The following RBPJ variants were observed in gnomAD, a reference collection of about 807,000 sequenced individuals.
RBPJ encodes recombination signal binding protein for immunoglobulin kappa J region.
In RBPJ, 9 loss-of-function variants were observed where a neutral mutation model predicts 67.8. The ratio of observed to expected loss-of-function variants is 0.13; its 90% CI spans 0.08 to 0.23. The LOEUF (loss-of-function observed/expected upper bound fraction) is 0.23. RBPJ is among the 10% of genes least tolerant of loss of function. The pLI, the probability that RBPJ is intolerant of heterozygous loss-of-function variation, is 1.00. For synonymous variants in RBPJ, 198 were observed against 203.3 expected (o/e 0.97, Z 0.22); for missense variants, 305 against 595.6 (o/e 0.51, Z 5.08).
intron 1 of RBPJ, among the ~76,000 whole-genome samples, chr4:26,274,979 G>GA (rs2109268605): frequency 6.6e-6 from 1 of 152,088 alleles, no homozygotes; most frequent in East Asian, 1.9e-4. Context: ...GAAAGGAAAG[G>GA]AAAAAAGTTT....
chr4:26,401,334 G>C lies in RBPJ; in HGVS notation c.60-4841G>C, dbSNP rs1181516674. 2.6e-5 allele frequency among the ~76,000 whole-genome samples: 4 copies of C among 152,182 alleles called. No individual in the cohort carries two copies. In the South Asian group the frequency reaches 6.2e-4, roughly 24 times the overall value. The stretch of plus-strand genomic sequence containing the variant: ...GTATGATTTTGTCCTCACAAGCTAG[G>C]CTACGCAGATTTGAATCCTCACTCT... On this transcript the variant is annotated intron_variant, in intron 2 of 10. Transcript: ENST00000355476.
At chr4:26,272,830 A>G (rs903013250) in intron 1 of RBPJ, 1 of 387,660 alleles carries the variant, frequency 2.6e-6, no homozygotes, top group Non-Finnish European at 5.1e-6. Context: ...TAATGTACTC[A>G]TTGTTTAAAA....
At chr4:26,160,079 C>T (rs181364583), upstream of RBPJ, among the ~76,000 whole-genome samples, 8 of 152,196 alleles carry the variant, frequency 5.3e-5, no homozygotes, top group East Asian at 5.8e-4. Context: ...CCACCGTGCC[C>T]GGCTAATTTT....
At chr4:26,247,213 T>C (rs1719957439) in intron 1 of RBPJ, among the ~76,000 whole-genome samples, 1 of 152,108 alleles carries the variant, frequency 6.6e-6, no homozygotes. Flanking sequence ...TACTGGATTA[T>C]TGATAGAATT....
At chr4:26,371,793 A>C (rs770578483) in intron 1 of RBPJ, among the ~76,000 whole-genome samples, 38 of 152,236 alleles carry the variant, frequency 2.5e-4, no homozygotes, top group Non-Finnish European at 4.1e-4. Flanking sequence ...TTAAATAATG[A>C]TAGGTGGTTT....
chr4:26,247,955 T>C (rs938704811), intron 1 of RBPJ, among the ~76,000 whole-genome samples: 1 of 152,134 alleles, frequency 6.6e-6, no homozygotes, highest in Non-Finnish European at 1.5e-5. Flanking sequence ...AATATATTCA[T>C]GTAACAAACC....
At chr4:26,413,093 G>C (rs1321579174) in intron 3 of RBPJ, 1 of 152,386 alleles carries the variant, frequency 6.6e-6, no homozygotes, top group African/African-American at 2.4e-5. Flanking sequence ...GGGCCTCCTT[G>C]GTCTACTTGT....
At position 26,201,014 on chromosome 4, in the gene RBPJ, A is replaced by C. The variant is rs77480519; in HGVS notation, c.-167+37400A>C. Among the ~76,000 whole-genome samples, 8 of 152,200 alleles carry C rather than the reference A, an allele frequency of 5.3e-5. No homozygotes were observed. The East Asian group carries it at 1.5e-3, about 29-fold the overall frequency. On this transcript the variant is annotated intron_variant, in intron 1 of 4. Transcript: ENST00000512351. ...GTTCCAAAACCAAATTGAATGAATG[A>C]ATGCATGAATGAATGAGTATCCATT...
chr4:26,409,688 C>T (rs761238769), intron 3 of RBPJ, among the ~76,000 whole-genome samples: 4 of 151,918 alleles, frequency 2.6e-5, no homozygotes, highest in Admixed American at 2.6e-4. Context: ...TTAGTAGAGA[C>T]GGGGTTTCAC....
At chr4:26,330,975 A>G (rs1724183015) in intron 1 of RBPJ, among the ~76,000 whole-genome samples, 1 of 152,246 alleles carries the variant, frequency 6.6e-6, no homozygotes, top group African/African-American at 2.4e-5. Flanking sequence ...TTTTAGAGCC[A>G]GAGAAGACCT....
intron 4 of RBPJ, among the ~76,000 whole-genome samples, chr4:26,417,015 A>G (rs570910600): frequency 3.9e-5 from 6 of 152,356 alleles, no homozygotes; most frequent in African/African-American, 9.6e-5. Context: ...AGCTAAAGTA[A>G]CGAATATATT....
chr4:26,373,166 C>T (rs1033249808), intron 1 of RBPJ, among the ~76,000 whole-genome samples: 1 of 152,202 alleles, frequency 6.6e-6, no homozygotes, highest in African/African-American at 2.4e-5. Context: ...AATGGTGTTA[C>T]ATAAAATGTT....
chr4:26,229,551 C>T (rs1055793283), intron 1 of RBPJ, among the ~76,000 whole-genome samples: 4 of 152,098 alleles, frequency 2.6e-5, no homozygotes, highest in Non-Finnish European at 5.9e-5. Context: ...CATTCTTACT[C>T]CATGCATAGA....
rs1224926817 is a variant in RBPJ, at chr4:26,366,671, C to T, written c.21-19682C>T. 2.0e-5 allele frequency among the ~76,000 whole-genome samples: 3 copies of T among 152,038 alleles called. 1 individual carries two copies. The highest frequency in any genetic ancestry group is 2.0e-4 in the Admixed American group (3 of 15,276). On this transcript the variant is annotated intron_variant, in intron 1 of 10. Coordinates refer to ENST00000355476, the MANE Select transcript of RBPJ (RefSeq NM_015874.6). ...TCCTGAAATCGTGATCTGCCTGCCT[C>T]GGCTTCCCAAAGTGCTGGGATTACA...
intron 1 of RBPJ, among the ~76,000 whole-genome samples, chr4:26,196,003 G>A (rs1404436804): frequency 6.6e-6 from 1 of 151,312 alleles, no homozygotes; most frequent in Non-Finnish European, 1.5e-5. Flanking sequence ...GAGAGAGAGA[G>A]AAGAGAGAAA....
chr4:26,236,840 C>G lies in RBPJ; in HGVS notation c.-167+73226C>G, dbSNP rs567078580. On this transcript the variant is annotated intron_variant, in intron 1 of 4. Transcript: ENST00000512351. ...AAGCCCCGTACATTGTAAACACTGACTAACCGGTAGCTATTATTACAATGG... is the reference window on the plus strand; with the variant it reads ...AAGCCCCGTACATTGTAAACACTGAGTAACCGGTAGCTATTATTACAATGG... 2.6e-5 allele frequency among the ~76,000 whole-genome samples: 4 copies of G among 152,282 alleles called. No homozygotes were observed. In the East Asian group the frequency reaches 7.7e-4, roughly 29 times the overall value.
chr4:26,130,301 C>T, the RBPJ span, among the ~76,000 whole-genome samples: 3 of 152,202 alleles, frequency 2.0e-5, no homozygotes, highest in Non-Finnish European at 2.9e-5. Context: ...GTTGAGTGCT[C>T]ACTGCCCATC....
At position 26,424,394 on chromosome 4, in the gene RBPJ, G is replaced by A; in HGVS notation, c.549G>A (p.Gln183=). The change falls in exon 6 of 11, where the codon CAG becomes CAA. Residue 183 remains glutamine, a synonymous_variant. Coordinates refer to ENST00000355476, the MANE Select transcript of RBPJ (RefSeq NM_015874.6). This position sits in a 1 kb window ranked among gnomAD's most constrained non-coding sequence, Gnocchi z 5.3. The part of the protein sequence containing the change: ...KVALFNRLRS[Q]TVSTRYLHVE... ...CTCTGTTTAATCGACTACGATCCCA[G>A]ACAGTTAGTACCAGATACTTGCATG... 1 of 1,614,066 alleles carries A rather than the reference G, an allele frequency of 6.2e-7. No individual in the cohort carries two copies. The highest frequency in any genetic ancestry group is 8.5e-7 in the Non-Finnish European group (1 of 1,179,954).
the RBPJ span, among the ~76,000 whole-genome samples, chr4:26,135,707 G>C: frequency 2.0e-5 from 3 of 152,150 alleles, no homozygotes; most frequent in Non-Finnish European, 4.4e-5. Flanking sequence ...TCAGCTGTGA[G>C]GAGGAAGGGA....
Sources: gnomAD v4.1 joint callset for allele counts (sites outside exome capture counted in the v4.1 genomes callset) on GRCh38, gnomAD v4.1.1 for gene constraint, Gnocchi (gnomAD v3.1) non-coding constraint, MANE v1.5 for transcripts, NCBI Gene and HGNC (gene_info 2026-07-23, HGNC 2026-07-21) for gene names.